The following TRIO variants were observed in gnomAD, a reference collection of about 807,000 sequenced individuals.
The protein encoded by TRIO is trio Rho guanine nucleotide exchange factor, also known as triple functional domain protein.
A neutral mutation model predicts 351.9 loss-of-function variants in TRIO; 58 were observed. The observed-to-expected ratio is 0.16, with a 90% confidence interval of 0.13 to 0.21. The LOEUF is 0.21. Among genes scored for constraint, TRIO ranks in the 10% least tolerant of loss-of-function variants. TRIO has a pLI of 1.00. For missense variants in TRIO, 3,201 were observed against 4,027.8 expected, an observed-to-expected ratio of 0.79 and a Z score of 5.56; for synonymous variants, 1,758 against 1,595.7, an observed-to-expected ratio of 1.10 and a Z score of -2.42.
intron 1 of TRIO, among the ~76,000 whole-genome samples, chr5:14,247,402 T>C (rs1467474470): frequency 6.6e-6 from 1 of 152,244 alleles, no homozygotes; most frequent in Non-Finnish European, 1.5e-5. Flanking sequence ...TAAATGAGGG[T>C]TTCAGCTTTA....
In TRIO at chr5:14,175,872, A is replaced by G. The variant is rs535220176; in HGVS notation, c.157+31990A>G. Among the ~76,000 whole-genome samples, 61 of 152,226 alleles carry G rather than the reference A, an allele frequency of 4.0e-4. 1 individual carries two copies. The highest frequency in any genetic ancestry group is 1.2e-3 in the Admixed American group (18 of 15,280). On this transcript the variant is annotated intron_variant, in intron 1 of 56. Coordinates refer to ENST00000344204, the MANE Select transcript of TRIO (RefSeq NM_007118.4). ...TGGGGAGATACACCTTATGAAAGAA[A>G]AGTTCACAAAGTGTCATGTTACAGT...
chr5:14,319,572 A>G (rs73059536), intron 9 of TRIO, among the ~76,000 whole-genome samples: 5,671 of 152,324 alleles, frequency 0.037, 357 homozygotes, highest in African/African-American at 0.13. Context: ...GAAATCCATA[A>G]AAACATAGTA....
rs1554089132 is a variant in TRIO, at chr5:14,488,094, TCCCCGCCTC to T, written c.7474_7482del (p.Pro2493_Ser2495del). The stretch of plus-strand genomic sequence containing the variant: ...AAGGGGGGCTCCTTCTGGAGCTCCA[TCCCCGCCTC>T]CCCCGCCAGCCGACCCGGCTCCTTC... On this transcript the variant is annotated inframe_deletion, in exon 48 of 57. Transcript: ENST00000344204. 4 of 1,602,900 alleles carry T rather than the reference TCCCCGCCTC, an allele frequency of 2.5e-6. No homozygotes were observed. The highest frequency in any genetic ancestry group is 3.4e-5 in the Admixed American group (2 of 59,482).
intron 1 of TRIO, among the ~76,000 whole-genome samples, chr5:14,188,497 A>G (rs1790261166): frequency 6.6e-6 from 1 of 152,248 alleles, no homozygotes; most frequent in South Asian, 2.1e-4. Context: ...ATAATTTAAC[A>G]CAATTTGTCT....
At chr5:14,416,069 CA>C (rs1749616673) in intron 33 of TRIO, among the ~76,000 whole-genome samples, 1 of 150,788 alleles carries the variant, frequency 6.6e-6, no homozygotes, top group Non-Finnish European at 1.5e-5. Context: ...AGAACTTGCA[CA>C]AAATATGGTT....
intron 1 of TRIO, among the ~76,000 whole-genome samples, chr5:14,170,654 G>T (rs1789043649): frequency 6.6e-6 from 1 of 151,930 alleles, no homozygotes; most frequent in Admixed American, 6.6e-5. Context: ...TTACAGGCGT[G>T]CTCCACCATG....
At chr5:14,327,208 A>G (rs1457073879) in intron 9 of TRIO, among the ~76,000 whole-genome samples, 4 of 152,194 alleles carry the variant, frequency 2.6e-5, no homozygotes, top group African/African-American at 7.2e-5. Flanking sequence ...GTTGTAGCCC[A>G]GGCTGGAGTG....
chr5:14,371,571 A>G lies in TRIO; in HGVS notation c.3216+2048A>G, dbSNP rs796222319. ...AATAAAATACCATTATCATATCTTT[A>G]AAATTATAGTAATTCTTTAATATTA... On this transcript the variant is annotated intron_variant, in intron 18 of 56. Coordinates refer to ENST00000344204, the MANE Select transcript of TRIO (RefSeq NM_007118.4). 2.0e-5 allele frequency among the ~76,000 whole-genome samples: 3 copies of G among 152,142 alleles called. No individual in the cohort carries two copies. In the South Asian group the frequency reaches 6.2e-4, roughly 31 times the overall value.
intron 49 of TRIO, among the ~76,000 whole-genome samples, chr5:14,495,166 C>T (rs1579827992): frequency 6.6e-6 from 1 of 152,230 alleles, no homozygotes; most frequent in Admixed American, 6.5e-5. Context: ...TCAGATGTGG[C>T]AGAAACAGCA....
intron 1 of TRIO, among the ~76,000 whole-genome samples, chr5:14,144,094 G>A (rs941280435): frequency 6.6e-6 from 1 of 152,024 alleles, no homozygotes; most frequent in Non-Finnish European, 1.5e-5. Flanking sequence ...CCGGGCGCGC[G>A]GCAGCTTGGC....
intron 34 of TRIO, among the ~76,000 whole-genome samples, chr5:14,448,690 G>A (rs1160286010): frequency 6.6e-6 from 1 of 152,228 alleles, no homozygotes; most frequent in Admixed American, 6.5e-5. Context: ...GAAAGCTGCT[G>A]GGCATGGATG....
intron 20 of TRIO, 143 bp from the exon 21 acceptor site, chr5:14,380,987 G>A (rs1346346437): frequency 8.8e-7 from 1 of 1,141,766 alleles, no homozygotes; most frequent in African/African-American, 1.6e-5. Flanking sequence ...TTTTATTTAA[G>A]AAACTTGCCT....
intron 41 of TRIO, chr5:14,477,297 A>G: frequency 4.8e-6 from 1 of 208,902 alleles, no homozygotes; most frequent in Non-Finnish European, 9.5e-6. Flanking sequence ...TGGGTTTAAC[A>G]TAACAGCCAA....
chr5:14,410,664 G>C (rs550245701), intron 33 of TRIO, among the ~76,000 whole-genome samples: 12 of 152,312 alleles, frequency 7.9e-5, no homozygotes, highest in Admixed American at 1.3e-4. Context: ...CAGAAACTGG[G>C]TCGGGGGATG....
At chr5:14,326,499 C>A (rs942436249) in intron 9 of TRIO, among the ~76,000 whole-genome samples, 4 of 152,178 alleles carry the variant, frequency 2.6e-5, no homozygotes, top group African/African-American at 4.8e-5. Flanking sequence ...GAGGAATGAG[C>A]CCACACCACA....
chr5:14,390,450 C>T (rs1746967263), intron 26 of TRIO, 150 bp downstream of exon 26: 2 of 691,626 alleles, frequency 2.9e-6, no homozygotes, highest in Non-Finnish European at 2.4e-6. Flanking sequence ...GAATTGCATA[C>T]TTCAACTAAT....
intron 28 of TRIO, among the ~76,000 whole-genome samples, chr5:14,395,741 C>G (rs1747502892): frequency 6.6e-6 from 1 of 152,184 alleles, no homozygotes; most frequent in South Asian, 2.1e-4. Context: ...ATTGCTATTA[C>G]TGACTGGTAG....
rs191029204 is a variant in TRIO at position 14,361,951 on chromosome 5, C to T, written c.2392-1781C>T. On this transcript the variant is annotated intron_variant, in intron 13 of 56. Transcript: ENST00000344204. ...TGGTCAACATGGTGAAACCCCATCT[C>T]TACTAAAAATACAAAAATTAGGCGT... Among the ~76,000 whole-genome samples the T allele has an allele frequency of 1.9e-4, 29 of 152,288 alleles. 1 individual carries two copies. The highest frequency in any genetic ancestry group is 6.7e-4 in the African/African-American group (28 of 41,548).
In TRIO at chr5:14,508,517, G is replaced by A; in HGVS notation, c.*95G>A. On this transcript the variant is annotated 3_prime_UTR_variant, in exon 57 of 57. Transcript: ENST00000344204. ...AACAAGCAAACATAACTGATCAGCT[G>A]CCGGTATGTTCATCGTGTGAAATTG... The A allele has an allele frequency of 7.0e-7, 1 of 1,433,152 alleles. No individual in the cohort carries two copies. The highest frequency in any genetic ancestry group is 9.4e-7 in the Non-Finnish European group (1 of 1,058,304). 88.8% of individuals were successfully genotyped at this position (1,433,152 alleles called of 1,614,324 possible). A position where few individuals can be genotyped will look rare whatever the true frequency, so the allele number is the denominator to read the frequency against.
Sources: gnomAD v4.1 joint callset for allele counts (sites outside exome capture counted in the v4.1 genomes callset) on GRCh38, gnomAD v4.1.1 for gene constraint, MANE v1.5 for transcripts, NCBI Gene and HGNC (gene_info 2026-07-23, HGNC 2026-07-21) for gene names.